CBLB: variants seen among roughly 807,000 people sequenced by gnomAD.
CBLB encodes the protein Cbl proto-oncogene B.
CBLB carries 31 observed loss-of-function variants against 104.9 expected under a neutral mutation model. That is an observed-to-expected ratio of 0.30 (90% CI 0.22 to 0.40). The LOEUF (loss-of-function observed/expected upper bound fraction) is 0.40, where lower values mean the gene tolerates loss of function less well. Ranked by LOEUF, CBLB falls within the 10% of genes least tolerant of loss-of-function variation. The pLI is 1.00. For missense variants in CBLB, 1,062 were observed against 1,214.6 expected (o/e 0.87, Z 1.87); for synonymous variants, 440 against 422.6 (o/e 1.04, Z -0.51).
chr3:105,791,117 GTAAGATAAC>G (rs2081585985), intron 3 of CBLB, among the ~76,000 whole-genome samples: 1 of 152,182 alleles, frequency 6.6e-6, no homozygotes. Context: ...TTTCTCTGTT[GTAAGATAAC>G]AAATGAGCTA....
intron 9 of CBLB, among the ~76,000 whole-genome samples, chr3:105,727,379 G>A (rs557128127): frequency 5.9e-5 from 9 of 151,862 alleles, no homozygotes; most frequent in Non-Finnish European, 1.0e-4. Flanking sequence ...CATATGCTTC[G>A]CCCACTTTTT....
chr3:105,853,757 T>C (rs1277959045), intron 2 of CBLB, 93 bp from the exon 3 acceptor site: 5 of 845,834 alleles, frequency 5.9e-6, no homozygotes, highest in Non-Finnish European at 9.2e-6. Flanking sequence ...TCTTCATTTT[T>C]CCATAATATA....
intron 4 of CBLB, among the ~76,000 whole-genome samples, chr3:105,769,872 G>A (rs1391510796): frequency 6.6e-6 from 1 of 152,148 alleles, no homozygotes; most frequent in Non-Finnish European, 1.5e-5. Flanking sequence ...GGTCCCCTAA[G>A]AACAATAGGA....
chr3:105,812,578 A>G (rs2084457447), intron 3 of CBLB, among the ~76,000 whole-genome samples: 1 of 152,212 alleles, frequency 6.6e-6, no homozygotes, highest in African/African-American at 2.4e-5. Context: ...GCAAGGGCAA[A>G]AGTTTTGTTT....
intron 3 of CBLB, among the ~76,000 whole-genome samples, chr3:105,838,522 G>A (rs1416929039): frequency 1.3e-5 from 2 of 151,988 alleles, no homozygotes; most frequent in Non-Finnish European, 2.9e-5. Context: ...ATAGGAAAGG[G>A]AGGAGAAAGG....
chr3:105,693,564 T>G lies in CBLB; in HGVS notation c.1984A>C (p.Ser662Arg), dbSNP rs1477268201. 1 of 1,612,384 alleles carries G rather than the reference T, an allele frequency of 6.2e-7. No homozygotes were observed. The highest frequency in any genetic ancestry group is 2.2e-5 in the East Asian group (1 of 44,848). Residue 662 changes from serine to arginine, a missense_variant, in exon 13 of 19, where the codon AGT becomes CGT. This residue lies in a region of CBLB where 605 missense variants were observed against 582.6 expected (regional missense o/e 1.04). Coordinates refer to ENST00000394030, the MANE Select transcript of CBLB (RefSeq NM_170662.5). The stretch of plus-strand genomic sequence containing the variant: ...CGGGGAGGAACATCATATTCTTCAC[T>G]TCCAAGGTGACCATTGGAAAAGACC... ...AKVFSNGHLG[S>R]EEYDVPPRLS...
chr3:105,804,888 G>A (rs990279436), intron 3 of CBLB, among the ~76,000 whole-genome samples: 1 of 151,954 alleles, frequency 6.6e-6, no homozygotes, highest in Non-Finnish European at 1.5e-5. Flanking sequence ...TCCACAGTGG[G>A]AGAGTATCCC....
chr3:105,722,151 G>A (rs1304809246), intron 9 of CBLB, among the ~76,000 whole-genome samples: 1 of 132,546 alleles, frequency 7.5e-6, no homozygotes, highest in Non-Finnish European at 1.5e-5. Flanking sequence ...AGTGAGCTAC[G>A]ACAGCATGAC....
intron 3 of CBLB, among the ~76,000 whole-genome samples, chr3:105,801,410 C>T (rs1476416817): frequency 6.6e-6 from 1 of 152,062 alleles, no homozygotes; most frequent in Non-Finnish European, 1.5e-5. Context: ...ATGTGTTTAG[C>T]TACTTTAAGT....
intron 17 of CBLB, among the ~76,000 whole-genome samples, chr3:105,677,493 C>T (rs2152715671): frequency 6.6e-6 from 1 of 151,808 alleles, no homozygotes; most frequent in African/African-American, 2.4e-5. Context: ...AAACTGAGCA[C>T]TTTTTAAAGA....
At chr3:105,742,873 C>CA (rs1329917279) in intron 6 of CBLB, among the ~76,000 whole-genome samples, 1 of 151,262 alleles carries the variant, frequency 6.6e-6, no homozygotes, top group East Asian at 1.9e-4. Context: ...AAATTGCTCA[C>CA]ATTTTTAATT....
intron 4 of CBLB, among the ~76,000 whole-genome samples, chr3:105,767,680 T>C (rs936893409): frequency 5.9e-5 from 9 of 152,050 alleles, no homozygotes; most frequent in Admixed American, 2.6e-4. Flanking sequence ...AATTGGTTAA[T>C]TATTCCACAA....
At chr3:105,785,563 TC>T (rs1167905683) in intron 3 of CBLB, among the ~76,000 whole-genome samples, 1 of 152,182 alleles carries the variant, frequency 6.6e-6, no homozygotes, top group Admixed American at 6.5e-5. Context: ...TAACATAGTT[TC>T]CCGTCACACT....
rs192309707 is a variant in CBLB, at chr3:105,661,377, G to A, written c.2690-2148C>T. 3.9e-3 allele frequency among the ~76,000 whole-genome samples: 590 copies of A among 152,140 alleles called. 3 individuals carry two copies. Among genetic ancestry groups the A allele is most frequent in the African/African-American group, 0.014 (562 of 41,526 alleles). Reference sequence around the variant, plus strand: ...CATACAGGAATGGACAATAAATTATGTTTTGCTTTTAATCATTTTCAAAAC... The same window carrying A: ...CATACAGGAATGGACAATAAATTATATTTTGCTTTTAATCATTTTCAAAAC... On this transcript the variant is annotated intron_variant, in intron 18 of 18. Transcript: ENST00000394030.
At chr3:105,868,101 G>A in intron 1 of CBLB, 1 of 544,440 alleles carries the variant, frequency 1.8e-6, no homozygotes, top group Non-Finnish European at 2.8e-6. Context: ...GTAAGGGACA[G>A]CTCTGTTGTC....
intron 3 of CBLB, among the ~76,000 whole-genome samples, chr3:105,794,286 A>G (rs16851596): frequency 0.17 from 26,094 of 152,144 alleles, 2,622 homozygotes; most frequent in Admixed American, 0.28. Flanking sequence ...TATGTGAACT[A>G]GCCTATTACT....
At chr3:105,868,422 C>A (rs897526066) in intron 1 of CBLB, 3 of 393,352 alleles carry the variant, frequency 7.6e-6, no homozygotes, top group African/African-American at 4.1e-5. Context: ...TGGGAGGGGA[C>A]AAAGTGTCCC....
At chr3:105,693,619 G>A (rs778277120) in intron 12 of CBLB, 31 bp from the exon 13 acceptor site, 1 of 1,475,076 alleles carries the variant, frequency 6.8e-7, no homozygotes, top group Non-Finnish European at 9.5e-7. Context: ...TAGTTTCCAA[G>A]AATTTAACTT....
At position 105,659,227 on chromosome 3, in the gene CBLB, C is replaced by A. The variant is rs528582920; in HGVS notation, c.2692G>T (p.Gly898Cys). The A allele has an allele frequency of 6.2e-7, 1 of 1,613,638 alleles. No individual in the cohort carries two copies. Among genetic ancestry groups the A allele is most frequent in the Non-Finnish European group, 8.5e-7 (1 of 1,179,782 alleles). The change falls in exon 19 of 19, where the codon GGT (glycine) becomes TGT (cysteine). Residue 898 changes from glycine to cysteine, a missense_variant and splice_region_variant. Physicochemically the swap from Gly to Cys is radical, Grantham distance 159. Transcript: ENST00000394030. ...DYDQLPSCSD[G>C]SQAPARPPKP... ...GGGGGTCTGGCTGGTGCCTGTGAAC[C>A]ATCTGTGTAGATTTTTAAAGAGAGA...
Sources: allele counts gnomAD v4.1 joint callset (sites outside exome capture counted in the v4.1 genomes callset), GRCh38; gene constraint gnomAD v4.1.1; regional missense constraint gnomAD v4.1.1; transcripts MANE v1.5; gene names NCBI Gene and HGNC (gene_info 2026-07-23, HGNC 2026-07-21).